Variants in PAQR8 observed in about 807,000 individuals in gnomAD.
PAQR8 encodes membrane progestin receptor beta.
PAQR8 carries 17 observed loss-of-function variants against 25.2 expected under a neutral mutation model. That is an observed-to-expected ratio of 0.67 (90% CI 0.46 to 1.01). PAQR8 has a LOEUF of 1.01. Among genes scored for constraint, PAQR8 ranks in the 50% least tolerant of loss-of-function variants. The pLI is 0.00. For synonymous variants in PAQR8, 204 were observed against 190.6 expected (o/e 1.07, Z -0.58); for missense variants, 392 against 448.4 (o/e 0.87, Z 1.14).
At chr6:52,367,270 T>A (rs908786936) in intron 1 of PAQR8, among the ~76,000 whole-genome samples, 45 of 152,344 alleles carry the variant, frequency 3.0e-4, no homozygotes, top group African/African-American at 9.6e-4. Context: ...TCAGTAGTGC[T>A]GAGAAGCCCT....
intron 1 of PAQR8, among the ~76,000 whole-genome samples, chr6:52,386,850 A>G (rs1763638446): frequency 6.6e-6 from 1 of 152,236 alleles, no homozygotes; most frequent in African/African-American, 2.4e-5. Context: ...AAATGAAGTA[A>G]TTCTGAGTGA....
intron 1 of PAQR8, among the ~76,000 whole-genome samples, chr6:52,372,690 GC>G (rs1763433840): frequency 6.6e-6 from 1 of 151,058 alleles, no homozygotes; most frequent in African/African-American, 2.4e-5. Flanking sequence ...ATCCCCATGT[GC>G]CCATCAACCA....
rs760537939 is a variant in PAQR8, at chr6:52,404,154, G to A, written c.941G>A (p.Arg314His). The change falls in exon 2 of 2, where the codon CGC becomes CAC. Residue 314 changes from arginine to histidine, a missense_variant. Arg to His is a conservative substitution (Grantham distance 29, BLOSUM62 0). Coordinates refer to ENST00000442253, the MANE Select transcript of PAQR8 (RefSeq NM_133367.5). ...YQGRQEIFLQ[R>H]HGPLSVHMAC... is the part of the protein sequence containing the mutation. ...GGGCGGCAGGAGATCTTCCTGCAGC[G>A]CCATGGACCCCTATCTGTCCACATG... The A allele has an allele frequency of 5.6e-6, 9 of 1,614,128 alleles. No individual in the cohort carries two copies. Among genetic ancestry groups the A allele is most frequent in the Non-Finnish European group, 7.6e-6 (9 of 1,180,008 alleles).
At chr6:52,371,703 CAT>C (rs1338567854) in intron 1 of PAQR8, among the ~76,000 whole-genome samples, 1 of 152,158 alleles carries the variant, frequency 6.6e-6, no homozygotes, top group Admixed American at 6.5e-5. Flanking sequence ...CATACAAAGA[CAT>C]AAAATAGCTA....
intron 1 of PAQR8, among the ~76,000 whole-genome samples, chr6:52,386,054 T>G (rs1002343613): frequency 1.5e-4 from 23 of 152,078 alleles, no homozygotes; most frequent in Admixed American, 1.4e-3. Context: ...CAGACACTTC[T>G]CAAAAGAAGA....
intron 1 of PAQR8, among the ~76,000 whole-genome samples, chr6:52,388,803 G>A (rs1232308869): frequency 5.9e-5 from 9 of 152,190 alleles, no homozygotes; most frequent in African/African-American, 1.9e-4. Context: ...GACATGATGA[G>A]TTCTACTTCA....
intron 1 of PAQR8, among the ~76,000 whole-genome samples, chr6:52,374,708 T>C (rs1763462487): frequency 6.6e-6 from 1 of 152,096 alleles, no homozygotes; most frequent in Admixed American, 6.6e-5. Context: ...TTTGCTTGAT[T>C]CCTAAACCTC....
chr6:52,395,251 C>T (rs58151725), intron 1 of PAQR8, among the ~76,000 whole-genome samples: 5,911 of 130,724 alleles, frequency 0.045, 209 homozygotes, highest in East Asian at 0.16. Flanking sequence ...CCAGCCTGGG[C>T]GACACAGCGA....
At chr6:52,387,328 G>C (rs1763644737) in intron 1 of PAQR8, among the ~76,000 whole-genome samples, 1 of 152,220 alleles carries the variant, frequency 6.6e-6, no homozygotes, top group Non-Finnish European at 1.5e-5. Flanking sequence ...ACAGCTGATA[G>C]ATGTTCTTTC....
chr6:52,379,375 A>G (rs1170311391), intron 1 of PAQR8, among the ~76,000 whole-genome samples: 1 of 152,190 alleles, frequency 6.6e-6, no homozygotes, highest in East Asian at 1.9e-4. Context: ...TCGGTTGCAC[A>G]ACACTGTGAA....
chr6:52,385,142 G>A (rs1763615607), intron 1 of PAQR8, among the ~76,000 whole-genome samples: 1 of 152,156 alleles, frequency 6.6e-6, no homozygotes, highest in Non-Finnish European at 1.5e-5. Flanking sequence ...ATTGGATCAT[G>A]GGGGCAGTGT....
chr6:52,406,375 T>A lies in PAQR8; in HGVS notation c.*2097T>A. The A allele has an allele frequency of 1.2e-5, 5 of 412,250 alleles. No individual in the cohort carries two copies. Among genetic ancestry groups the A allele is most frequent in the Non-Finnish European group, 2.2e-5 (5 of 225,540 alleles). The allele number at this position is 412,250 out of a possible 1,614,324, so 25.5% of individuals were successfully genotyped here. A position where few individuals can be genotyped will look rare whatever the true frequency, so the allele number is the denominator to read the frequency against. ...GGTATTGTGGGCAGAGATCTTTAGT[T>A]CAAATCCACGTATTTTTTAAAAGAG... On this transcript the variant is annotated 3_prime_UTR_variant, in exon 2 of 2. Transcript: ENST00000442253.
intron 1 of PAQR8, among the ~76,000 whole-genome samples, chr6:52,398,975 T>A (rs368850970): frequency 3.3e-5 from 5 of 151,324 alleles, no homozygotes; most frequent in African/African-American, 1.2e-4. Context: ...GACTCTCAGG[T>A]TCCTTTGTGG....
intron 1 of PAQR8, among the ~76,000 whole-genome samples, chr6:52,402,852 G>A (rs772819823): frequency 1.3e-5 from 2 of 152,108 alleles, no homozygotes; most frequent in South Asian, 2.1e-4. Context: ...GAGGAGGGAG[G>A]AGTGCTTGAG....
At chr6:52,389,821 A>G (rs1468137679) in intron 1 of PAQR8, among the ~76,000 whole-genome samples, 1 of 152,210 alleles carries the variant, frequency 6.6e-6, no homozygotes, top group Non-Finnish European at 1.5e-5. Context: ...CTGCCAGTGG[A>G]AATGAGCAGC....
In PAQR8 at chr6:52,368,714, C is replaced by T. The variant is rs1248603358; in HGVS notation, c.-53+6465C>T. 7.2e-5 allele frequency among the ~76,000 whole-genome samples: 11 copies of T among 152,242 alleles called. No homozygotes were observed. The East Asian group carries it at 2.1e-3, about 29-fold the overall frequency. On this transcript the variant is annotated intron_variant, in intron 1 of 1. Coordinates refer to ENST00000442253, the MANE Select transcript of PAQR8 (RefSeq NM_133367.5). ...TTCAAAGTAGTTTTATATATCTTCT[C>T]AAATATGACTTTTGCTACCATCCCA...
intron 1 of PAQR8, among the ~76,000 whole-genome samples, chr6:52,366,061 C>T (rs984752382): frequency 2.6e-5 from 4 of 152,052 alleles, no homozygotes; most frequent in Admixed American, 1.3e-4. Flanking sequence ...GTGAGTTTTG[C>T]TCTGCTGTGT....
At chr6:52,390,116 C>T (rs1268465479) in intron 1 of PAQR8, among the ~76,000 whole-genome samples, 1 of 152,226 alleles carries the variant, frequency 6.6e-6, no homozygotes, top group South Asian at 2.1e-4. Flanking sequence ...CTGGAGACTG[C>T]TCAGTGTGTT....
chr6:52,406,881 A>G lies in PAQR8; in HGVS notation c.*2603A>G, dbSNP rs1763917131. 1 of 246,870 alleles carries G rather than the reference A, an allele frequency of 4.1e-6. No homozygotes were observed. Among genetic ancestry groups the G allele is most frequent in the African/African-American group, 2.2e-5 (1 of 44,586 alleles). The allele number at this position is 246,870 out of a possible 1,614,324, so 15.3% of individuals were successfully genotyped here. On this transcript the variant is annotated 3_prime_UTR_variant, in exon 2 of 2. Transcript: ENST00000442253. ...CCTGCCCTAGAAACAGTTTTTTAATAGGAGATATTTGAGAGGCATTGAGGT... is the reference window on the plus strand; with the variant it reads ...CCTGCCCTAGAAACAGTTTTTTAATGGGAGATATTTGAGAGGCATTGAGGT...
Sources: allele counts gnomAD v4.1 joint callset (sites outside exome capture counted in the v4.1 genomes callset), GRCh38; gene constraint gnomAD v4.1.1; transcripts MANE v1.5; gene names NCBI Gene and HGNC (gene_info 2026-07-23, HGNC 2026-07-21).